Variants in NRG3 observed in about 807,000 individuals in gnomAD.
NRG3 encodes neuregulin 3, also known as pro-neuregulin-3, membrane-bound isoform.
NRG3 carries 31 observed loss-of-function variants against 66.9 expected under a neutral mutation model. That is an observed-to-expected ratio of 0.46 (90% CI 0.35 to 0.63). NRG3 has a LOEUF of 0.63. NRG3 is among the 20% of genes least tolerant of loss of function. The pLI, the probability that NRG3 is intolerant of heterozygous loss-of-function variation, is 0.00. For synonymous variants in NRG3, 393 were observed against 359.4 expected, an observed-to-expected ratio of 1.09 and a Z score of -1.06; for missense variants, 910 against 878.9, an observed-to-expected ratio of 1.04 and a Z score of -0.45.
rs145543060 is a variant in NRG3, at chr10:82,869,180, TTGTG to T, written c.1054+3755_1054+3758del. ...AACAATTAATCAATGCTAGTTCTATTTGTGTGTGTGTGTGTCAATTTCTTTAATA... is the reference window on the plus strand; with the variant it reads ...AACAATTAATCAATGCTAGTTCTATTTGTGTGTGTGTCAATTTCTTTAATA... On this transcript the variant is annotated intron_variant, in intron 4 of 8. Coordinates refer to ENST00000372141, the MANE Select transcript of NRG3 (RefSeq NM_001010848.4). Among the ~76,000 whole-genome samples the T allele has an allele frequency of 2.0e-5, 3 of 152,122 alleles. No individual in the cohort carries two copies. In the South Asian group the frequency reaches 6.2e-4, roughly 32 times the overall value.
Position 82,936,365 on chromosome 10 carries a change from C to T in NRG3, c.1055-15104C>T, listed in dbSNP as rs141599546. On this transcript the variant is annotated intron_variant, in intron 4 of 8. Transcript: ENST00000372141. ...GTAAAATAAGCCAGGCAAAGCAAGA[C>T]AAATACCACATGATATATGGAATCT... Among the ~76,000 whole-genome samples the T allele has an allele frequency of 4.8e-3, 737 of 151,992 alleles. 6 individuals carry two copies. Among genetic ancestry groups the T allele is most frequent in the African/African-American group, 0.017 (700 of 41,452 alleles).
chr10:82,812,223 A>G (rs1021886186), intron 3 of NRG3, among the ~76,000 whole-genome samples: 8 of 152,190 alleles, frequency 5.3e-5, no homozygotes, highest in Non-Finnish European at 8.8e-5. Flanking sequence ...CTCTCAGTTG[A>G]TGCTGATATT....
At chr10:82,008,036 A>C (rs938339690) in intron 1 of NRG3, among the ~76,000 whole-genome samples, 1 of 152,152 alleles carries the variant, frequency 6.6e-6, no homozygotes, top group South Asian at 2.1e-4. Flanking sequence ...ATTGCTCACC[A>C]ATTTGCCAGG....
chr10:82,549,458 A>C (rs991099032), intron 2 of NRG3, among the ~76,000 whole-genome samples: 8 of 152,182 alleles, frequency 5.3e-5, no homozygotes, highest in Non-Finnish European at 4.4e-5. Flanking sequence ...TGCAGAGGGT[A>C]GGGAGCCAGA....
intron 4 of NRG3, among the ~76,000 whole-genome samples, chr10:82,865,847 A>T (rs958002306): frequency 6.6e-6 from 1 of 152,190 alleles, no homozygotes; most frequent in Non-Finnish European, 1.5e-5. Context: ...GTCAGTTTTT[A>T]AATTTTTACT....
intron 2 of NRG3, among the ~76,000 whole-genome samples, chr10:82,730,377 C>T (rs1318789456): frequency 1.3e-5 from 2 of 152,094 alleles, no homozygotes; most frequent in Admixed American, 1.3e-4. Context: ...AGCTACCGTG[C>T]CTGGCCAATC....
At chr10:82,220,896 A>G (rs1358816491) in intron 1 of NRG3, among the ~76,000 whole-genome samples, 2 of 152,094 alleles carry the variant, frequency 1.3e-5, no homozygotes, top group Admixed American at 6.6e-5. Flanking sequence ...GCTTCAGAGG[A>G]TTGCTTGAGC....
rs10563416 is a variant in NRG3, at chr10:82,720,810, C to T, written c.954-17767C>T. 4.1e-3 allele frequency among the ~76,000 whole-genome samples: 475 copies of T among 114,624 alleles called. 10 individuals carry two copies. Among genetic ancestry groups the T allele is most frequent in the African/African-American group, 0.019 (443 of 22,754 alleles). 75.2% of individuals were successfully genotyped at this position (114,624 alleles called of 152,430 possible). ...AACACATATATAGGAGTATTTTATA[C>T]ATATATATATATATATATATATATA... On this transcript the variant is annotated intron_variant, in intron 2 of 8. Coordinates refer to ENST00000372141, the MANE Select transcript of NRG3 (RefSeq NM_001010848.4).
At chr10:82,743,116 C>A (rs1310689658) in intron 3 of NRG3, among the ~76,000 whole-genome samples, 4 of 152,210 alleles carry the variant, frequency 2.6e-5, no homozygotes, top group African/African-American at 9.6e-5. Context: ...CTGTGCCTTT[C>A]TCTCCCTGTC....
chr10:82,029,160 G>A (rs1038366918), intron 1 of NRG3, among the ~76,000 whole-genome samples: 1 of 152,066 alleles, frequency 6.6e-6, no homozygotes, highest in African/African-American at 2.4e-5. Context: ...AGTGATCAGA[G>A]ATCGCATCAC....
chr10:82,460,882 G>A (rs1357185641), intron 2 of NRG3, among the ~76,000 whole-genome samples: 2 of 152,128 alleles, frequency 1.3e-5, no homozygotes, highest in African/African-American at 4.8e-5. Flanking sequence ...CAGGACGTAT[G>A]CATTATTTCC....
intron 2 of NRG3, among the ~76,000 whole-genome samples, chr10:82,559,192 T>C (rs1319183704): frequency 2.0e-5 from 3 of 152,116 alleles, no homozygotes; most frequent in Non-Finnish European, 4.4e-5. Flanking sequence ...GTAACCACTG[T>C]TGATTTCTTG....
chr10:82,147,874 TTC>T (rs2070376308), intron 1 of NRG3, among the ~76,000 whole-genome samples: 1 of 152,180 alleles, frequency 6.6e-6, no homozygotes, highest in Non-Finnish European at 1.5e-5. Flanking sequence ...AGTCCCAGTT[TTC>T]TCTCTCTTTT....
rs897541316 is a variant in NRG3, at chr10:82,558,726, T to A, written c.954-179851T>A. 3.3e-5 allele frequency among the ~76,000 whole-genome samples: 5 copies of A among 152,166 alleles called. 1 individual carries two copies. The highest frequency in any genetic ancestry group is 2.4e-5 in the African/African-American group (1 of 41,456). On this transcript the variant is annotated intron_variant, in intron 2 of 8. Transcript: ENST00000372141. Reference sequence around the variant, plus strand: ...AATAACTGTTAAATAAATATAGAGATGCTCATTTTAGTTTTACATTCTTTT... The same window carrying A: ...AATAACTGTTAAATAAATATAGAGAAGCTCATTTTAGTTTTACATTCTTTT...
At chr10:81,898,687 C>T (rs1237687579) in intron 1 of NRG3, among the ~76,000 whole-genome samples, 7 of 151,016 alleles carry the variant, frequency 4.6e-5, no homozygotes, top group South Asian at 4.2e-4. Context: ...ATAAATAATA[C>T]GTGTTTGAAG....
rs2061471299 is a variant in NRG3, at chr10:82,811,002, T to C, written c.1028-54409T>C. On this transcript the variant is annotated intron_variant, in intron 3 of 8. Transcript: ENST00000372141. ...CCTTGTGTGTCCTTTACTTGCAGTG[T>C]TCTTCCTTTAGTCATTTGCAGGGCC... Among the ~76,000 whole-genome samples, 4 of 152,192 alleles carry C rather than the reference T, an allele frequency of 2.6e-5. No individual in the cohort carries two copies. In the South Asian group the frequency reaches 8.3e-4, roughly 32 times the overall value.
chr10:82,693,099 G>T (rs2055072613), intron 2 of NRG3, among the ~76,000 whole-genome samples: 1 of 152,034 alleles, frequency 6.6e-6, no homozygotes, highest in East Asian at 1.9e-4. Flanking sequence ...ATTAATTATT[G>T]ACCTATTTGA....
chr10:82,565,980 C>T (rs565175912), intron 2 of NRG3, among the ~76,000 whole-genome samples: 81 of 151,940 alleles, frequency 5.3e-4, no homozygotes, highest in Non-Finnish European at 7.4e-4. Context: ...ACCTCTTATT[C>T]GCCATAGAGA....
chr10:82,440,125 C>T (rs1186613530), intron 2 of NRG3, among the ~76,000 whole-genome samples: 1 of 151,928 alleles, frequency 6.6e-6, no homozygotes, highest in Non-Finnish European at 1.5e-5. Flanking sequence ...TTTCTATGAT[C>T]ACTGGACTCT....
Sources: gnomAD v4.1 joint callset for allele counts (sites outside exome capture counted in the v4.1 genomes callset) on GRCh38, gnomAD v4.1.1 for gene constraint, MANE v1.5 for transcripts, NCBI Gene and HGNC (gene_info 2026-07-23, HGNC 2026-07-21) for gene names.